ACYP2: variants seen among roughly 807,000 people sequenced by gnomAD.
ACYP2 encodes the protein acylphosphatase-2.
ACYP2 carries 12 observed loss-of-function variants against 11.2 expected under a neutral mutation model. The observed-to-expected ratio is 1.08, with a 90% CI of 0.69 to 1.74. The LOEUF (loss-of-function observed/expected upper bound fraction) is 1.74. Among genes scored for constraint, ACYP2 ranks in the 40% most tolerant of loss-of-function variants. The pLI is 0.00. For synonymous variants in ACYP2, 43 were observed against 32.2 expected (o/e 1.33, Z -1.13); for missense variants, 134 against 101.9 (o/e 1.31, Z -1.35).
intron 4 of ACYP2, among the ~76,000 whole-genome samples, chr2:54,057,638 A>G (rs1676227065): frequency 6.6e-6 from 1 of 152,214 alleles, no homozygotes; most frequent in Admixed American, 6.5e-5. Flanking sequence ...TTTACTCTAG[A>G]TTAATAGGTT....
intron 4 of ACYP2, among the ~76,000 whole-genome samples, chr2:54,106,795 G>A (rs1357365865): frequency 1.3e-5 from 2 of 152,110 alleles, no homozygotes; most frequent in Non-Finnish European, 2.9e-5. Flanking sequence ...GTGTTGGCCA[G>A]GCTGGTCTTG....
intron 6 of ACYP2, among the ~76,000 whole-genome samples, chr2:54,180,918 C>G (rs1237350522): frequency 6.6e-6 from 1 of 152,126 alleles, no homozygotes; most frequent in Non-Finnish European, 1.5e-5. Flanking sequence ...CCCTCACAAC[C>G]TAATCACCTT....
chr2:54,225,378 C>A (rs1685970760), intron 6 of ACYP2, among the ~76,000 whole-genome samples: 1 of 151,982 alleles, frequency 6.6e-6, no homozygotes, highest in Admixed American at 6.6e-5. Flanking sequence ...ATTTTTAAGT[C>A]ACAGAGAAAA....
chr2:54,010,737 CTTTT>C (rs539896151), intron 2 of ACYP2, among the ~76,000 whole-genome samples: 14,564 of 107,756 alleles, frequency 0.14, 1,145 homozygotes, highest in African/African-American at 0.19. Context: ...TTCTTTCTTT[CTTTT>C]TTTTTTTTTT....
At chr2:54,001,394 A>G (rs772685722) in intron 2 of ACYP2, among the ~76,000 whole-genome samples, 16 of 152,108 alleles carry the variant, frequency 1.1e-4, no homozygotes, top group Non-Finnish European at 2.2e-4. Context: ...ATTTAAAAAT[A>G]TGTATTTTTT....
intron 6 of ACYP2, among the ~76,000 whole-genome samples, chr2:54,215,251 C>T (rs1685510853): frequency 6.6e-6 from 1 of 152,056 alleles, no homozygotes; most frequent in African/African-American, 2.4e-5. Flanking sequence ...CTTTTTCTTG[C>T]CTAATTGCTC....
intron 2 of ACYP2, among the ~76,000 whole-genome samples, chr2:53,974,845 A>G (rs904183063): frequency 1.3e-5 from 2 of 152,178 alleles, no homozygotes; most frequent in African/African-American, 4.8e-5. Flanking sequence ...TATTTGAAAG[A>G]GAGTGGTTAA....
intron 6 of ACYP2, 115 bp from the exon 4 acceptor site, chr2:54,304,573 A>G (rs184775621): frequency 4.2e-5 from 26 of 618,812 alleles, no homozygotes; most frequent in African/African-American, 3.9e-4. Context: ...TATCACATAT[A>G]TGCAAAAATT....
chr2:54,197,335 A>G (rs1684532671), intron 6 of ACYP2, among the ~76,000 whole-genome samples: 1 of 152,194 alleles, frequency 6.6e-6, no homozygotes, highest in South Asian at 2.1e-4. Flanking sequence ...CACTCCCTAC[A>G]GGGGTTGCGG....
intron 6 of ACYP2, among the ~76,000 whole-genome samples, chr2:54,244,205 T>G (rs1469092463): frequency 2.0e-5 from 3 of 152,024 alleles, no homozygotes; most frequent in Non-Finnish European, 2.9e-5. Flanking sequence ...ATTTATGTAT[T>G]TATTTATTTA....
intron 4 of ACYP2, among the ~76,000 whole-genome samples, chr2:54,079,234 G>T (rs539771826): frequency 6.6e-6 from 1 of 152,332 alleles, no homozygotes; most frequent in East Asian, 1.9e-4. Context: ...GGACATCGTG[G>T]TTGTCTTCCA....
chr2:54,238,422 A>T (rs186970218), intron 6 of ACYP2, among the ~76,000 whole-genome samples: 5 of 152,276 alleles, frequency 3.3e-5, no homozygotes. Context: ...TAATAGATAG[A>T]AGATATAGGA....
chr2:54,199,931 CTG>C (rs1226507356), intron 6 of ACYP2, among the ~76,000 whole-genome samples: 1 of 152,240 alleles, frequency 6.6e-6, no homozygotes, highest in African/African-American at 2.4e-5. Flanking sequence ...GATCCACCAA[CTG>C]TGTGCAGTGA....
intron 4 of ACYP2, among the ~76,000 whole-genome samples, chr2:54,131,418 G>A (rs917384031): frequency 1.3e-5 from 2 of 152,192 alleles, no homozygotes; most frequent in Non-Finnish European, 2.9e-5. Context: ...GCTCTTCACT[G>A]AGGGGCATGT....
intron 4 of ACYP2, among the ~76,000 whole-genome samples, chr2:54,088,230 A>G (rs1313717106): frequency 6.6e-6 from 1 of 152,182 alleles, no homozygotes; most frequent in Non-Finnish European, 1.5e-5. Context: ...TGTTTTCCCC[A>G]TTCCTCAGAA....
At chr2:54,158,726 C>T (rs1682559341) in intron 6 of ACYP2, among the ~76,000 whole-genome samples, 1 of 152,148 alleles carries the variant, frequency 6.6e-6, no homozygotes, top group Non-Finnish European at 1.5e-5. Flanking sequence ...TCAAAACATA[C>T]TGAGTAAACT....
Position 54,141,603 on chromosome 2 carries a change from C to T in ACYP2, c.404+2855C>T, listed in dbSNP as rs1681603225. ...TTATTTCTGAATTCTCTATTCTGTT[C>T]CACTGATCTATTTCTCTGTTCCTAC... On this transcript the variant is annotated intron_variant, in intron 6 of 6. Coordinates refer to ENST00000607452, the MANE Select transcript of ACYP2 (RefSeq NM_001320586.2). Among the ~76,000 whole-genome samples, 4 of 152,134 alleles carry T rather than the reference C, an allele frequency of 2.6e-5. No homozygotes were observed. In the South Asian group the frequency reaches 6.2e-4, roughly 24 times the overall value.
At chr2:54,187,284 A>G (rs1684053537) in intron 6 of ACYP2, among the ~76,000 whole-genome samples, 1 of 152,310 alleles carries the variant, frequency 6.6e-6, no homozygotes, top group Admixed American at 6.5e-5. Flanking sequence ...TCCCAGAGTT[A>G]CAAACCTCAG....
intron 4 of ACYP2, among the ~76,000 whole-genome samples, chr2:54,083,423 C>G (rs570372804): frequency 6.6e-6 from 1 of 152,124 alleles, no homozygotes; most frequent in Non-Finnish European, 1.5e-5. Context: ...ATCTGTGAGC[C>G]GTAAAGACTT....
Sources: allele counts gnomAD v4.1 joint callset (sites outside exome capture counted in the v4.1 genomes callset), GRCh38; gene constraint gnomAD v4.1.1; transcripts MANE v1.5; gene names NCBI Gene and HGNC (gene_info 2026-07-23, HGNC 2026-07-21).